The following PTPRT variants were observed in gnomAD, a reference collection of about 807,000 sequenced individuals.
PTPRT encodes the protein receptor-type tyrosine-protein phosphatase T.
PTPRT carries 56 observed loss-of-function variants against 176.8 expected under a neutral mutation model. The ratio of observed to expected loss-of-function variants is 0.32; its 90% CI spans 0.26 to 0.40. The LOEUF (loss-of-function observed/expected upper bound fraction) is 0.40, where lower values mean the gene tolerates loss of function less well. PTPRT is among the 10% of genes least tolerant of loss of function. PTPRT has a pLI of 1.00. For synonymous variants in PTPRT, 783 were observed against 739.0 expected (o/e 1.06, Z -0.96); for missense variants, 1,540 against 1,908.2 (o/e 0.81, Z 3.60).
In PTPRT at chr20:42,335,766, T is replaced by C. The variant is rs2058031405; in HGVS notation, c.1865+14862A>G. On this transcript the variant is annotated intron_variant, in intron 11 of 30. Transcript: ENST00000373187. ...TGATGGAGTTCTGTGGGAGGAAAAA[T>C]GTATGAATAGTTTAATAAATAAACT... Among the ~76,000 whole-genome samples the C allele has an allele frequency of 3.3e-5, 5 of 151,998 alleles. 1 individual carries two copies. The highest frequency in any genetic ancestry group is 3.3e-4 in the Admixed American group (5 of 15,246).
At chr20:43,073,416 A>AG (rs1412436532) in intron 1 of PTPRT, among the ~76,000 whole-genome samples, 2 of 151,786 alleles carry the variant, frequency 1.3e-5, no homozygotes, top group African/African-American at 4.8e-5. Flanking sequence ...TCAAATCTTT[A>AG]GGGGGAAATG....
rs1006482956 is a variant in PTPRT at position 43,186,740 on chromosome 20, A to G, written c.88+2906T>C. The stretch of plus-strand genomic sequence containing the variant: ...ACGTTTGCACATTAATTGTTCTTTT[A>G]TTAGGAAACAAATCAAGCAATCCAT... On this transcript the variant is annotated intron_variant, in intron 1 of 30. Transcript: ENST00000373187. Among the ~76,000 whole-genome samples, 5 of 152,212 alleles carry G rather than the reference A, an allele frequency of 3.3e-5. No individual in the cohort carries two copies. In the South Asian group the frequency reaches 8.3e-4, roughly 25 times the overall value.
At chr20:42,145,540 A>AGATAGATAGAT (rs1491532754) in intron 17 of PTPRT, among the ~76,000 whole-genome samples, 4 of 151,522 alleles carry the variant, frequency 2.6e-5, no homozygotes, top group Non-Finnish European at 1.5e-5. Context: ...ATAGATAGAT[A>AGATAGATAGAT]GATAGATGGA....
At chr20:42,586,823 C>A (rs958753670) in intron 7 of PTPRT, among the ~76,000 whole-genome samples, 2 of 152,116 alleles carry the variant, frequency 1.3e-5, no homozygotes, top group African/African-American at 4.8e-5. Context: ...GTATATAACC[C>A]GAGACAGGGT....
chr20:43,103,982 A>G (rs374045332), intron 1 of PTPRT, among the ~76,000 whole-genome samples: 2 of 152,196 alleles, frequency 1.3e-5, no homozygotes, highest in South Asian at 2.1e-4. Flanking sequence ...TGCTTTAAAC[A>G]TCACACGCGC....
Position 42,543,002 on chromosome 20 carries a change from G to A in PTPRT, c.1154-70440C>T, listed in dbSNP as rs114466546. ...CTGAAAAATGCTAAGGATCATCTGA[G>A]CCTTCAGCAAGTTGTAATCTTTTTG... is the stretch of plus-strand genomic sequence containing the variant. On this transcript the variant is annotated intron_variant, in intron 7 of 30. Coordinates refer to ENST00000373187, the MANE Select transcript of PTPRT (RefSeq NM_007050.6). Among the ~76,000 whole-genome samples, 1,125 of 152,286 alleles carry A rather than the reference G, an allele frequency of 7.4e-3. 19 individuals carry two copies. Among genetic ancestry groups the A allele is most frequent in the African/African-American group, 0.026 (1,085 of 41,546 alleles).
chr20:42,091,379 C>T (rs887948072), intron 27 of PTPRT, among the ~76,000 whole-genome samples: 2 of 152,092 alleles, frequency 1.3e-5, no homozygotes, highest in Non-Finnish European at 1.5e-5. Flanking sequence ...AAACATGCTC[C>T]GATGAGTTGA....
intron 1 of PTPRT, among the ~76,000 whole-genome samples, chr20:42,990,028 T>G (rs907599880): frequency 6.6e-6 from 1 of 152,222 alleles, no homozygotes; most frequent in Non-Finnish European, 1.5e-5. Context: ...CATTATTGAT[T>G]ATTGTAGAAA....
chr20:42,103,178 T>C (rs942747682), intron 25 of PTPRT, among the ~76,000 whole-genome samples: 3 of 152,208 alleles, frequency 2.0e-5, no homozygotes, highest in African/African-American at 7.2e-5. Context: ...GGCTGGACTC[T>C]GGCTTTATCT....
At chr20:42,040,746 T>C in the PTPRT span, among the ~76,000 whole-genome samples, 1 of 152,190 alleles carries the variant, frequency 6.6e-6, no homozygotes, top group African/African-American at 2.4e-5. Flanking sequence ...CAACAAAGAC[T>C]AAATGTAGAC....
intron 7 of PTPRT, among the ~76,000 whole-genome samples, chr20:42,613,494 T>C (rs1422766809): frequency 6.6e-6 from 1 of 152,244 alleles, no homozygotes; most frequent in Non-Finnish European, 1.5e-5. Context: ...TCTGAGAATA[T>C]ATAAGATCTC....
chr20:42,723,895 G>A (rs1311408882), intron 6 of PTPRT, among the ~76,000 whole-genome samples: 1 of 152,110 alleles, frequency 6.6e-6, no homozygotes, highest in Non-Finnish European at 1.5e-5. Context: ...GACTGGAGTG[G>A]GATTATCACT....
chr20:42,123,394 C>T (rs182594439), intron 19 of PTPRT, among the ~76,000 whole-genome samples: 2 of 152,276 alleles, frequency 1.3e-5, no homozygotes, highest in Admixed American at 1.3e-4. Context: ...CAAAAGTGGA[C>T]CCGATGAATG....
At chr20:42,796,432 G>A (rs2077454996) in intron 2 of PTPRT, among the ~76,000 whole-genome samples, 1 of 152,154 alleles carries the variant, frequency 6.6e-6, no homozygotes, top group Non-Finnish European at 1.5e-5. Context: ...TGAGTCACAG[G>A]AACTTAACTA....
chr20:42,731,427 C>A (rs901865499), intron 6 of PTPRT, among the ~76,000 whole-genome samples: 28 of 151,620 alleles, frequency 1.8e-4, no homozygotes, highest in Non-Finnish European at 1.5e-4. Flanking sequence ...GGTAGTATTT[C>A]TCTTTCACAA....
At chr20:43,077,507 C>A (rs1194917060) in intron 1 of PTPRT, among the ~76,000 whole-genome samples, 1 of 152,178 alleles carries the variant, frequency 6.6e-6, no homozygotes, top group Non-Finnish European at 1.5e-5. Flanking sequence ...TCATGATACT[C>A]ACTTCAGCCA....
At chr20:42,953,430 G>T (rs1047877843) in intron 1 of PTPRT, among the ~76,000 whole-genome samples, 1 of 152,220 alleles carries the variant, frequency 6.6e-6, no homozygotes, top group African/African-American at 2.4e-5. Flanking sequence ...CCCCTGCCAT[G>T]GTACCCACTG....
chr20:42,208,315 A>G (rs979869672), intron 15 of PTPRT, among the ~76,000 whole-genome samples: 2 of 150,346 alleles, frequency 1.3e-5, no homozygotes, highest in South Asian at 2.1e-4. Context: ...ATGTAAATGG[A>G]CTAAATGCTC....
intron 7 of PTPRT, among the ~76,000 whole-genome samples, chr20:42,597,998 T>C (rs1419771592): frequency 6.6e-6 from 1 of 152,172 alleles, no homozygotes. Flanking sequence ...CTAGAACATA[T>C]ATATGCCCAC....
Sources: allele counts gnomAD v4.1 joint callset (sites outside exome capture counted in the v4.1 genomes callset), GRCh38; gene constraint gnomAD v4.1.1; transcripts MANE v1.5; gene names NCBI Gene and HGNC (gene_info 2026-07-23, HGNC 2026-07-21).